Variants in LRP5 observed in about 807,000 individuals in gnomAD.
LRP5 encodes LDL receptor related protein 5.
Under a neutral mutation model 154.1 loss-of-function variants are expected in LRP5, and 62 were observed. The ratio of observed to expected loss-of-function variants is 0.40; its 90% confidence interval spans 0.33 to 0.50. LRP5 has a LOEUF of 0.50. LRP5 is among the 20% of genes least tolerant of loss of function. The probability of loss-of-function intolerance (pLI) is 0.55; values close to 1 mark genes in which losing one functional copy is unlikely to be tolerated. For synonymous variants in LRP5, 966 were observed against 1,011.5 expected (o/e 0.96, Z 0.85); for missense variants, 1,915 against 2,336.7 (o/e 0.82, Z 3.72).
At chr11:68,421,230 C>T (rs954723980) in intron 13 of LRP5, among the ~76,000 whole-genome samples, 2 of 151,416 alleles carry the variant, frequency 1.3e-5, no homozygotes, top group Non-Finnish European at 2.9e-5. Flanking sequence ...CCGTCTCACG[C>T]AAAACTCTGT....
intron 1 of LRP5, among the ~76,000 whole-genome samples, chr11:68,334,165 C>T (rs1208379023): frequency 1.3e-5 from 2 of 152,160 alleles, no homozygotes; most frequent in African/African-American, 4.8e-5. Flanking sequence ...ACCCAGGAGG[C>T]GGACGTTGCA....
At position 68,339,228 on chromosome 11, in the gene LRP5, C is replaced by T. The variant is rs373053695; in HGVS notation, c.92-8619C>T. Among the ~76,000 whole-genome samples, 52 of 151,690 alleles carry T rather than the reference C, an allele frequency of 3.4e-4. No homozygotes were observed. In the South Asian group the frequency reaches 7.9e-3, roughly 23 times the overall value. ...TCTCCTTCTGTCACACAGGCTGGAG[C>T]GCAGTGGCACAATCTCAGCTCACCG... On this transcript the variant is annotated intron_variant, in intron 1 of 22. Coordinates refer to ENST00000294304, the MANE Select transcript of LRP5 (RefSeq NM_002335.4).
intron 5 of LRP5, among the ~76,000 whole-genome samples, chr11:68,382,812 AG>A (rs2098640992): frequency 6.6e-6 from 1 of 152,056 alleles, no homozygotes; most frequent in Admixed American, 6.5e-5. Flanking sequence ...GGTCCTTGTC[AG>A]TAGAATGGGG....
chr11:68,411,310 C>G (rs558622075), intron 10 of LRP5, 126 bp from the exon 11 acceptor site: 42 of 964,964 alleles, frequency 4.4e-5, no homozygotes, highest in Non-Finnish European at 6.4e-5. Context: ...GCTTCCTGCG[C>G]GTGGCTTTCT....
At position 68,413,814 on chromosome 11, in the gene LRP5, C is replaced by G. The variant is rs200501120; in HGVS notation, c.2629C>G (p.Arg877Gly). Residue 877 changes from arginine to glycine, a missense_variant, in exon 12 of 23, where the codon CGG (arginine) becomes GGG (glycine). Physicochemically the swap from Arg to Gly is moderately radical, Grantham distance 125. Transcript: ENST00000294304. This position sits in a 1 kb window ranked among gnomAD's most constrained non-coding sequence, Gnocchi z 5.1. Reference sequence around the variant, plus strand: ...TGAGCGGGCCGACAAGACTAGCGGCCGGAACCGCACCCTCATCCAGGGCCA... The same window carrying G: ...TGAGCGGGCCGACAAGACTAGCGGCGGGAACCGCACCCTCATCCAGGGCCA... ...SIERADKTSG[R>G]NRTLIQGHLD... The G allele has an allele frequency of 1.2e-6, 2 of 1,613,680 alleles. No individual in the cohort carries two copies. Among genetic ancestry groups the G allele is most frequent in the East Asian group, 2.2e-5 (1 of 44,876 alleles).
At chr11:68,393,076 G>C (rs1380276187) in intron 7 of LRP5, among the ~76,000 whole-genome samples, 2 of 151,618 alleles carry the variant, frequency 1.3e-5, no homozygotes, top group African/African-American at 4.9e-5. Flanking sequence ...GCTGCAGTGA[G>C]CTATGATCGC....
At chr11:68,306,385 C>G in the LRP5 span, among the ~76,000 whole-genome samples, 1 of 152,206 alleles carries the variant, frequency 6.6e-6, no homozygotes, top group Non-Finnish European at 1.5e-5. Flanking sequence ...ATCCACCCAC[C>G]TCGGCCTCTC....
At chr11:68,372,681 G>A (rs1430743967) in intron 5 of LRP5, among the ~76,000 whole-genome samples, 1 of 152,220 alleles carries the variant, frequency 6.6e-6, no homozygotes, top group Non-Finnish European at 1.5e-5. Flanking sequence ...TGAGCAGCGT[G>A]ATGGTGCAGG....
At chr11:68,327,253 G>T (rs1438624582) in intron 1 of LRP5, among the ~76,000 whole-genome samples, 1 of 152,166 alleles carries the variant, frequency 6.6e-6, no homozygotes, top group Non-Finnish European at 1.5e-5. Context: ...GCCCCTCTTC[G>T]TTCCATTTCC....
chr11:68,417,051 C>T (rs970402199), intron 13 of LRP5, among the ~76,000 whole-genome samples: 10 of 152,236 alleles, frequency 6.6e-5, no homozygotes, highest in African/African-American at 2.2e-4. Flanking sequence ...GCCTTTTGCA[C>T]ATTAAATGGT....
chr11:68,402,146 C>A (rs933537971), intron 7 of LRP5, among the ~76,000 whole-genome samples: 1 of 152,172 alleles, frequency 6.6e-6, no homozygotes, highest in Non-Finnish European at 1.5e-5. Context: ...TAGCAGGAGG[C>A]CTGTGGAAGC....
At chr11:68,418,758 T>G in intron 13 of LRP5, among the ~76,000 whole-genome samples, 1 of 152,186 alleles carries the variant, frequency 6.6e-6, no homozygotes, top group East Asian at 1.9e-4. Context: ...TGGGCAGCTG[T>G]GATCATTGCC....
intron 7 of LRP5, among the ~76,000 whole-genome samples, chr11:68,394,506 C>T (rs1406679901): frequency 6.6e-6 from 1 of 151,332 alleles, no homozygotes; most frequent in African/African-American, 2.4e-5. Flanking sequence ...CGCTCTCTTG[C>T]CCAGTCTGGA....
At chr11:68,397,177 C>G (rs2098649893) in intron 7 of LRP5, among the ~76,000 whole-genome samples, 1 of 152,170 alleles carries the variant, frequency 6.6e-6, no homozygotes, top group Non-Finnish European at 1.5e-5. Flanking sequence ...TGCCTCCCCG[C>G]CCACCTGGGC....
chr11:68,386,191 C>A lies in LRP5; in HGVS notation c.1016-125C>A. ...GCTGGGTGCGTGTCACCTAACATCACCAGCCTTTGCAAGGAGAGCCCTGGG... is the reference window on the plus strand; with the variant it reads ...GCTGGGTGCGTGTCACCTAACATCAACAGCCTTTGCAAGGAGAGCCCTGGG... On this transcript the variant is annotated intron_variant, in intron 5 of 22. Transcript: ENST00000294304. The surrounding 1 kb of genome is among the most constrained non-coding windows in gnomAD (Gnocchi z 7.9). 1 of 1,204,132 alleles carries A rather than the reference C, an allele frequency of 8.3e-7. No homozygotes were observed. Among genetic ancestry groups the A allele is most frequent in the Non-Finnish European group, 1.2e-6 (1 of 831,584 alleles). 74.6% of individuals were successfully genotyped at this position (1,204,132 alleles called of 1,614,324 possible). A position where few individuals can be genotyped will look rare whatever the true frequency, so the allele number is the denominator to read the frequency against.
At chr11:68,339,979 A>G (rs551977137) in intron 1 of LRP5, among the ~76,000 whole-genome samples, 2 of 152,254 alleles carry the variant, frequency 1.3e-5, no homozygotes, top group African/African-American at 4.8e-5. Context: ...GGTGGCTCAC[A>G]CCTGTAATCC....
At chr11:68,383,585 A>C (rs943215768) in intron 5 of LRP5, among the ~76,000 whole-genome samples, 1 of 152,182 alleles carries the variant, frequency 6.6e-6, no homozygotes, top group Non-Finnish European at 1.5e-5. Flanking sequence ...GCCCGAGGTC[A>C]CCCAGCAGGC....
rs764331609 is a variant in LRP5 at position 68,386,411 on chromosome 11, G to A, written c.1111G>A (p.Asp371Asn). ...CACCGACATCGTGCTGCAGGTGGAC[G>A]ACATCCGGCACGCCATTGCCATCGA... The part of the protein sequence containing the change: ...DFTDIVLQVD[D>N]IRHAIAIDYD... The change falls in exon 6 of 23, where the codon GAC (aspartate) becomes AAC (asparagine). Residue 371 changes from aspartate (D) to asparagine (N), a missense_variant. Transcript: ENST00000294304. This position sits in a 1 kb window ranked among gnomAD's most constrained non-coding sequence, Gnocchi z 7.9. 7.4e-6 allele frequency: 12 copies of A among 1,613,906 alleles called. No homozygotes were observed. The East Asian group carries it at 1.1e-4, about 15-fold the overall frequency.
intron 7 of LRP5, among the ~76,000 whole-genome samples, chr11:68,392,111 A>AGTGCTGGGATGACAGGCATCAGCC (rs1306233691): frequency 2.0e-5 from 3 of 152,198 alleles, no homozygotes; most frequent in African/African-American, 7.2e-5. Context: ...GGCCTCCCAA[A>AGTGCTGGGATGACAGGCATCAGCC]GTGCTGGGAT....
Sources: allele counts gnomAD v4.1 joint callset (sites outside exome capture counted in the v4.1 genomes callset), GRCh38; gene constraint gnomAD v4.1.1; non-coding constraint Gnocchi (gnomAD v3.1); transcripts MANE v1.5; gene names NCBI Gene and HGNC (gene_info 2026-07-23, HGNC 2026-07-21).